Variants in CAMK1D observed in about 807,000 individuals in gnomAD.
The protein encoded by CAMK1D is calcium/calmodulin-dependent protein kinase type 1D.
Under a neutral mutation model 47.7 loss-of-function variants are expected in CAMK1D, and 9 were observed. That is an observed-to-expected ratio of 0.19 (90% CI 0.11 to 0.33). The LOEUF (loss-of-function observed/expected upper bound fraction) is 0.33, where lower values mean the gene tolerates loss of function less well. CAMK1D is among the 10% of genes least tolerant of loss of function. The pLI is 1.00. For synonymous variants in CAMK1D, 184 were observed against 184.9 expected (o/e 0.99, Z 0.04); for missense variants, 291 against 488.7 (o/e 0.60, Z 3.81).
chr10:12,678,385 A>G (rs2132597947), intron 3 of CAMK1D, among the ~76,000 whole-genome samples: 1 of 152,300 alleles, frequency 6.6e-6, no homozygotes, highest in African/African-American at 2.4e-5. Flanking sequence ...AATTTTATTG[A>G]CACTATTTTG....
intron 2 of CAMK1D, among the ~76,000 whole-genome samples, chr10:12,577,025 T>A (rs1837509529): frequency 6.6e-6 from 1 of 152,186 alleles, no homozygotes; most frequent in Non-Finnish European, 1.5e-5. Context: ...CAGAACACTT[T>A]CACGTGCATC....
chr10:12,489,584 A>T (rs1158909753), intron 1 of CAMK1D, among the ~76,000 whole-genome samples: 2 of 152,110 alleles, frequency 1.3e-5, no homozygotes, highest in Non-Finnish European at 2.9e-5. Flanking sequence ...AGGAGGGAGA[A>T]ATACAGATGG....
At chr10:12,525,448 A>G (rs1052183829) in intron 1 of CAMK1D, among the ~76,000 whole-genome samples, 1 of 152,118 alleles carries the variant, frequency 6.6e-6, no homozygotes, top group African/African-American at 2.4e-5. Flanking sequence ...TCTCTACAAG[A>G]TCATTCTCTC....
At chr10:12,515,708 C>A (rs1269195658) in intron 1 of CAMK1D, among the ~76,000 whole-genome samples, 2 of 151,350 alleles carry the variant, frequency 1.3e-5, no homozygotes, top group Non-Finnish European at 2.9e-5. Context: ...CTCCCGGGTT[C>A]ACGCCATTCT....
At chr10:12,379,391 A>C (rs1450232523) in intron 1 of CAMK1D, among the ~76,000 whole-genome samples, 1 of 152,192 alleles carries the variant, frequency 6.6e-6, no homozygotes, top group Non-Finnish European at 1.5e-5. Flanking sequence ...TTTTCATGAG[A>C]TAAATCATCA....
At chr10:12,406,924 C>CTCTATAAAGGGTG (rs1839451965) in intron 1 of CAMK1D, among the ~76,000 whole-genome samples, 1 of 151,996 alleles carries the variant, frequency 6.6e-6, no homozygotes, top group Non-Finnish European at 1.5e-5. Flanking sequence ...AGATCGAGGC[C>CTCTATAAAGGGTG]ACCTAGGGTG....
intron 1 of CAMK1D, among the ~76,000 whole-genome samples, chr10:12,463,733 C>T (rs1293353205): frequency 6.6e-6 from 1 of 152,074 alleles, no homozygotes; most frequent in South Asian, 2.1e-4. Context: ...TTTATTTCCC[C>T]ACCAGGTCTC....
At chr10:12,464,617 C>G (rs995158262) in intron 1 of CAMK1D, among the ~76,000 whole-genome samples, 1 of 152,092 alleles carries the variant, frequency 6.6e-6, no homozygotes, top group Non-Finnish European at 1.5e-5. Context: ...AGATTGAGAC[C>G]ATCCTGACTA....
At chr10:12,672,822 T>C (rs1360512599) in intron 3 of CAMK1D, among the ~76,000 whole-genome samples, 2 of 151,684 alleles carry the variant, frequency 1.3e-5, no homozygotes, top group Non-Finnish European at 2.9e-5. Context: ...TTTTATTTAT[T>C]TGTTTTTTCC....
chr10:12,610,655 G>A (rs1312366068), intron 2 of CAMK1D, among the ~76,000 whole-genome samples: 2 of 152,180 alleles, frequency 1.3e-5, no homozygotes, highest in Admixed American at 6.5e-5. Flanking sequence ...ACTTGTCAGG[G>A]ACGGTCTTCA....
At chr10:12,356,722 A>C (rs1208870728) in intron 1 of CAMK1D, among the ~76,000 whole-genome samples, 1 of 988 alleles carries the variant, frequency 1.0e-3, no homozygotes, top group Non-Finnish European at 4.3e-3. Flanking sequence ...ACTCCATTTC[A>C]AAAAAAAAAA....
In CAMK1D at chr10:12,814,795, A is replaced by G. The variant is rs141520917; in HGVS notation, c.754+488A>G. Among the ~76,000 whole-genome samples the G allele has an allele frequency of 3.3e-5, 5 of 152,334 alleles. 1 individual carries two copies. In the East Asian group the frequency reaches 9.6e-4, roughly 29 times the overall value. On this transcript the variant is annotated intron_variant, in intron 7 of 10. Transcript: ENST00000619168. Reference sequence around the variant, plus strand: ...TTAACAAACTCACAGCAGACAGTTCATAACAGCTCTCAGAAAGCTTCATGA... The same window carrying G: ...TTAACAAACTCACAGCAGACAGTTCGTAACAGCTCTCAGAAAGCTTCATGA...
intron 3 of CAMK1D, among the ~76,000 whole-genome samples, chr10:12,748,678 C>T (rs1451338503): frequency 6.6e-6 from 1 of 152,192 alleles, no homozygotes; most frequent in Admixed American, 6.5e-5. Flanking sequence ...AAAGCTCCTG[C>T]TGACAGTGAC....
chr10:12,484,751 C>T (rs1834161335), intron 1 of CAMK1D, among the ~76,000 whole-genome samples: 2 of 144,810 alleles, frequency 1.4e-5, no homozygotes, highest in South Asian at 4.3e-4. Context: ...AGATGTTCTC[C>T]AGGTTTCTAA....
intron 3 of CAMK1D, among the ~76,000 whole-genome samples, chr10:12,677,828 G>T (rs1840862496): frequency 6.6e-6 from 1 of 151,732 alleles, no homozygotes; most frequent in African/African-American, 2.4e-5. Flanking sequence ...TAGGAGTTCA[G>T]TCTGGCTGGG....
chr10:12,448,132 G>A (rs751904206), intron 1 of CAMK1D, among the ~76,000 whole-genome samples: 1 of 152,080 alleles, frequency 6.6e-6, no homozygotes, highest in Non-Finnish European at 1.5e-5. Context: ...GGGATTACAG[G>A]CATGAGCCAC....
intron 3 of CAMK1D, among the ~76,000 whole-genome samples, chr10:12,677,433 G>T (rs1840848141): frequency 6.6e-6 from 1 of 152,156 alleles, no homozygotes; most frequent in African/African-American, 2.4e-5. Flanking sequence ...TGCGGGGGTG[G>T]GAAGGGGCTT....
chr10:12,564,087 C>A (rs1206657472), intron 2 of CAMK1D, among the ~76,000 whole-genome samples: 6 of 150,516 alleles, frequency 4.0e-5, no homozygotes, highest in Admixed American at 3.3e-4. Context: ...ATCTAGATAT[C>A]TATCTAGATA....
chr10:12,721,220 T>C (rs1479270784), intron 3 of CAMK1D, among the ~76,000 whole-genome samples: 1 of 152,236 alleles, frequency 6.6e-6, no homozygotes, highest in African/African-American at 2.4e-5. Context: ...CCCCACACAT[T>C]TCAATTACTC....
Sources: gnomAD v4.1 joint callset for allele counts (sites outside exome capture counted in the v4.1 genomes callset) on GRCh38, gnomAD v4.1.1 for gene constraint, MANE v1.5 for transcripts, NCBI Gene and HGNC (gene_info 2026-07-23, HGNC 2026-07-21) for gene names.